The following COX7B2 variants were observed in gnomAD, a reference collection of about 807,000 sequenced individuals.
COX7B2 encodes the protein cytochrome c oxidase subunit 7B2, also known as cytochrome c oxidase subunit 7B2, mitochondrial.
For missense variants in COX7B2, 109 were observed against 95.9 expected (o/e 1.14, Z -0.57); for synonymous variants, 37 against 32.1 (o/e 1.15, Z -0.51).
rs529691080 is a variant in COX7B2, at chr4:46,904,875, C to T, written c.-105+4285G>A. Reference sequence around the variant, plus strand: ...TGTAGAGAAAAGGAAAAATTAAGAACATGGATTCCTATTTGTATGTGTCTG... The same window carrying T: ...TGTAGAGAAAAGGAAAAATTAAGAATATGGATTCCTATTTGTATGTGTCTG... On this transcript the variant is annotated intron_variant, in intron 1 of 2. Coordinates refer to ENST00000355591, the MANE Select transcript of COX7B2 (RefSeq NM_130902.3). 1.1e-4 allele frequency among the ~76,000 whole-genome samples: 16 copies of T among 152,230 alleles called. No individual in the cohort carries two copies. In the South Asian group the frequency reaches 3.1e-3, roughly 30 times the overall value.
intron 2 of COX7B2, among the ~76,000 whole-genome samples, chr4:46,824,637 G>A (rs1714547830): frequency 6.9e-6 from 1 of 144,792 alleles, no homozygotes; most frequent in Admixed American, 7.1e-5. Flanking sequence ...CTTATTATGT[G>A]AGTATTACTG....
chr4:46,908,618 T>C (rs1301309570), intron 1 of COX7B2, among the ~76,000 whole-genome samples: 1 of 152,074 alleles, frequency 6.6e-6, no homozygotes, highest in African/African-American at 2.4e-5. Context: ...ATGCAATTCC[T>C]TTCCTTTTAA....
chr4:46,843,917 T>A (rs1577646589), intron 2 of COX7B2, among the ~76,000 whole-genome samples: 1 of 151,950 alleles, frequency 6.6e-6, no homozygotes, highest in East Asian at 1.9e-4. Flanking sequence ...TTGGCTGCAA[T>A]TCTATGGGGT....
intron 2 of COX7B2, among the ~76,000 whole-genome samples, chr4:46,792,261 G>A (rs1718089068): frequency 6.6e-6 from 1 of 152,168 alleles, no homozygotes. Flanking sequence ...CATTCTCACA[G>A]GCAATGTTAT....
intron 1 of COX7B2, among the ~76,000 whole-genome samples, chr4:46,876,971 G>T (rs986142330): frequency 6.6e-6 from 1 of 151,652 alleles, no homozygotes; most frequent in Admixed American, 6.6e-5. Context: ...GATGAGTCTG[G>T]AAAGAAATCA....
intron 2 of COX7B2, among the ~76,000 whole-genome samples, chr4:46,832,324 A>G (rs1392508824): frequency 6.6e-6 from 1 of 152,150 alleles, no homozygotes; most frequent in Non-Finnish European, 1.5e-5. Context: ...AACAAACTCC[A>G]GACACGCCGC....
intron 2 of COX7B2, among the ~76,000 whole-genome samples, chr4:46,773,635 A>T (rs1261350445): frequency 6.6e-6 from 1 of 152,152 alleles, no homozygotes; most frequent in East Asian, 1.9e-4. Context: ...CTATATTAAA[A>T]ACCATGGTGA....
At chr4:46,769,928 T>C (rs891856823) in intron 2 of COX7B2, among the ~76,000 whole-genome samples, 2 of 152,100 alleles carry the variant, frequency 1.3e-5, no homozygotes, top group Non-Finnish European at 2.9e-5. Flanking sequence ...GCCTTTCCTT[T>C]AAGATGAGGA....
chr4:46,810,430 AGT>A (rs1719230932), intron 2 of COX7B2, among the ~76,000 whole-genome samples: 1 of 151,938 alleles, frequency 6.6e-6, no homozygotes, highest in African/African-American at 2.4e-5. Context: ...CTTTATCATT[AGT>A]GTAGCTGATG....
intron 2 of COX7B2, among the ~76,000 whole-genome samples, chr4:46,832,101 G>A (rs974072373): frequency 4.6e-5 from 7 of 152,174 alleles, no homozygotes; most frequent in African/African-American, 1.4e-4. Flanking sequence ...GCCCCAGCCA[G>A]CAGTGGCAAC....
chr4:46,892,951 G>C (rs981476443), intron 1 of COX7B2, among the ~76,000 whole-genome samples: 1 of 152,120 alleles, frequency 6.6e-6, no homozygotes, highest in Non-Finnish European at 1.5e-5. Context: ...TTCCCCCTTT[G>C]CATGGCTTTC....
chr4:46,890,090 A>G (rs956805664), intron 1 of COX7B2, among the ~76,000 whole-genome samples: 1 of 152,156 alleles, frequency 6.6e-6, no homozygotes, highest in Non-Finnish European at 1.5e-5. Context: ...GGATCTAATA[A>G]TAATGAAGAA....
chr4:46,850,112 A>G (rs1001533545), intron 1 of COX7B2, among the ~76,000 whole-genome samples: 4 of 152,148 alleles, frequency 2.6e-5, no homozygotes, highest in Admixed American at 2.0e-4. Flanking sequence ...CTTAGGGAAG[A>G]TAGATAAATT....
chr4:46,860,208 G>A (rs1427692801), intron 1 of COX7B2, among the ~76,000 whole-genome samples: 1 of 152,190 alleles, frequency 6.6e-6, no homozygotes, highest in Non-Finnish European at 1.5e-5. Context: ...ATACAGTCGA[G>A]AGAGACAGTG....
At chr4:46,878,239 G>A (rs1195927643) in intron 1 of COX7B2, among the ~76,000 whole-genome samples, 1 of 151,966 alleles carries the variant, frequency 6.6e-6, no homozygotes, top group African/African-American at 2.4e-5. Context: ...GGTTACCAGG[G>A]GTGAGGAGGT....
chr4:46,778,364 A>G (rs1038009452), intron 2 of COX7B2, among the ~76,000 whole-genome samples: 1 of 152,122 alleles, frequency 6.6e-6, no homozygotes, highest in Non-Finnish European at 1.5e-5. Context: ...AACAATGACA[A>G]TAACATGTAG....
rs190745237 is a variant in COX7B2, at chr4:46,747,373, G to A, written c.-49-12132C>T. 1.2e-3 allele frequency among the ~76,000 whole-genome samples: 185 copies of A among 151,724 alleles called. 1 individual carries two copies. The highest frequency in any genetic ancestry group is 4.2e-3 in the African/African-American group (174 of 41,346). On this transcript the variant is annotated intron_variant, in intron 2 of 2. Transcript: ENST00000355591. Reference sequence around the variant, plus strand: ...GGCTGGAGGGCAATGGTGCAATCTCGGCTCACTGCAACCTCTGCCTCTCAC... The same window carrying A: ...GGCTGGAGGGCAATGGTGCAATCTCAGCTCACTGCAACCTCTGCCTCTCAC...
intron 2 of COX7B2, among the ~76,000 whole-genome samples, chr4:46,808,872 C>A (rs930137751): frequency 1.3e-5 from 2 of 151,778 alleles, no homozygotes; most frequent in Non-Finnish European, 3.0e-5. Context: ...GCCTTGCATG[C>A]CAGGGATAAA....
chr4:46,855,200 ACCTGT>A (rs1254759395), intron 1 of COX7B2, among the ~76,000 whole-genome samples: 1 of 151,988 alleles, frequency 6.6e-6, no homozygotes, highest in Non-Finnish European at 1.5e-5. Flanking sequence ...GGTGGCACAC[ACCTGT>A]AATCCCAGCT....
Sources: gnomAD v4.1 joint callset for allele counts (sites outside exome capture counted in the v4.1 genomes callset) on GRCh38, gnomAD v4.1.1 for gene constraint, MANE v1.5 for transcripts, NCBI Gene and HGNC (gene_info 2026-07-23, HGNC 2026-07-21) for gene names.